Variants in TTC39C observed in about 807,000 individuals in gnomAD.
TTC39C encodes tetratricopeptide repeat protein 39C.
A neutral mutation model predicts 76.3 loss-of-function variants in TTC39C; 33 were observed. The observed-to-expected ratio is 0.43, with a 90% confidence interval of 0.33 to 0.58. TTC39C has a LOEUF of 0.58. TTC39C is among the 20% of genes least tolerant of loss of function. The pLI is 0.04. For synonymous variants in TTC39C, 254 were observed against 260.6 expected (o/e 0.97, Z 0.24); for missense variants, 595 against 701.4 (o/e 0.85, Z 1.71).
intron 6 of TTC39C, 106 bp downstream of exon 6, chr18:24,083,187 G>A (rs1014730403): frequency 1.4e-5 from 17 of 1,181,986 alleles, no homozygotes; most frequent in Middle Eastern, 3.0e-4. Flanking sequence ...CCAGGGCCCC[G>A]GAGCATTTTG....
intron 1 of TTC39C, among the ~76,000 whole-genome samples, chr18:24,023,954 A>ATC (rs1568408728): frequency 0.018 from 208 of 11,786 alleles, 26 homozygotes; most frequent in Non-Finnish European, 0.066. Flanking sequence ...ATGCATGTAT[A>ATC]TATATATATA....
intron 1 of TTC39C, among the ~76,000 whole-genome samples, chr18:24,030,777 C>T (rs2083659373): frequency 6.6e-6 from 1 of 151,194 alleles, no homozygotes; most frequent in Admixed American, 6.6e-5. Flanking sequence ...CACTCAGCCT[C>T]CTGAGTAGCT....
chr18:24,099,184 T>C (rs1166436873), intron 6 of TTC39C: 1 of 151,514 alleles, frequency 6.6e-6, no homozygotes. Flanking sequence ...AAGAATACTA[T>C]AGATTGGGTG....
At chr18:24,094,337 T>C (rs1409040853) in intron 6 of TTC39C, among the ~76,000 whole-genome samples, 1 of 152,242 alleles carries the variant, frequency 6.6e-6, no homozygotes, top group Non-Finnish European at 1.5e-5. Flanking sequence ...CTTGAACCTC[T>C]CAAAGACATC....
At position 24,133,940 on chromosome 18, in the gene TTC39C, CAG is replaced by C. The variant is rs995794081; in HGVS notation, c.*1368_*1369del. On this transcript the variant is annotated 3_prime_UTR_variant, in exon 14 of 14. Coordinates refer to ENST00000317571, the MANE Select transcript of TTC39C (RefSeq NM_001135993.2). ...TTTAATATTTCTTTTCAAAATAAAA[CAG>C]AAAAGCAAGTAGAATGTTGGCAAAT... The C allele has an allele frequency of 6.6e-6, 1 of 152,434 alleles. No individual in the cohort carries two copies. The highest frequency in any genetic ancestry group is 1.5e-5 in the Non-Finnish European group (1 of 68,082). 9.4% of individuals were successfully genotyped at this position (152,434 alleles called of 1,614,324 possible). A position where few individuals can be genotyped will look rare whatever the true frequency, so the allele number is the denominator to read the frequency against.
At chr18:24,063,267 G>T (rs1028614774) in intron 1 of TTC39C, among the ~76,000 whole-genome samples, 1 of 151,950 alleles carries the variant, frequency 6.6e-6, no homozygotes, top group Non-Finnish European at 1.5e-5. Context: ...TTACAAGGGG[G>T]GAATGGCTGA....
chr18:24,090,798 T>C (rs908977196), intron 6 of TTC39C, among the ~76,000 whole-genome samples: 22 of 52,868 alleles, frequency 4.2e-4, no homozygotes, highest in African/African-American at 7.7e-4. Context: ...ATTAATTTAC[T>C]TTTTTTTTTT....
In TTC39C at chr18:24,134,709, A is replaced by G. The variant is rs1451876749; in HGVS notation, c.*2135A>G. On this transcript the variant is annotated 3_prime_UTR_variant, in exon 14 of 14. Coordinates refer to ENST00000317571, the MANE Select transcript of TTC39C (RefSeq NM_001135993.2). ...CTGTCATCATCATGGAGCATTCTGA[A>G]TCATGACATTTTTGTTTGAGAGTTC... The G allele has an allele frequency of 6.6e-6, 1 of 152,194 alleles. No individual in the cohort carries two copies. The highest frequency in any genetic ancestry group is 1.5e-5 in the Non-Finnish European group (1 of 68,032). The allele number at this position is 152,194 out of a possible 1,614,324, so 9.4% of individuals were successfully genotyped here. A position where few individuals can be genotyped will look rare whatever the true frequency, so the allele number is the denominator to read the frequency against.
At chr18:24,101,317 A>AC (rs1002558642) in intron 6 of TTC39C, among the ~76,000 whole-genome samples, 2 of 151,506 alleles carry the variant, frequency 1.3e-5, no homozygotes, top group Non-Finnish European at 2.9e-5. Context: ...AAAAAAAAAA[A>AC]AAAAAACTGG....
Position 24,118,251 on chromosome 18 carries a change from C to G in TTC39C, c.1186+19C>G, listed in dbSNP as rs377410986. 245 of 1,585,332 alleles carry G rather than the reference C, an allele frequency of 1.5e-4. 3 individuals carry two copies. In the East Asian group the frequency reaches 2.7e-3, roughly 17 times the overall value. On this transcript the variant is annotated intron_variant, in intron 8 of 13. Transcript: ENST00000317571. Reference sequence around the variant, plus strand: ...ACTGCAGGTGAGTCGCCCATGGTCCCTCAGTGTGCCTCTCTCTGTCGTGAA... The same window carrying G: ...ACTGCAGGTGAGTCGCCCATGGTCCGTCAGTGTGCCTCTCTCTGTCGTGAA...
At chr18:24,125,722 G>A (rs1313352466) in intron 10 of TTC39C, 172 bp downstream of exon 10, 4 of 765,840 alleles carry the variant, frequency 5.2e-6, no homozygotes, top group Admixed American at 2.7e-5. Context: ...TGTCACTTAG[G>A]TGATGGGAGG....
intron 8 of TTC39C, 58 bp downstream of exon 8, chr18:24,118,290 C>A: frequency 7.2e-7 from 1 of 1,386,992 alleles, no homozygotes; most frequent in Non-Finnish European, 1.0e-6. Flanking sequence ...GCTCGCCTGA[C>A]GTGGGCAGAT....
intron 6 of TTC39C, among the ~76,000 whole-genome samples, chr18:24,102,369 A>G (rs2084687821): frequency 6.6e-6 from 1 of 152,234 alleles, no homozygotes; most frequent in Non-Finnish European, 1.5e-5. Flanking sequence ...TACTCTATCC[A>G]TTATGTGTAC....
intron 6 of TTC39C, among the ~76,000 whole-genome samples, chr18:24,093,243 G>T (rs1248735977): frequency 6.6e-6 from 1 of 152,164 alleles, no homozygotes; most frequent in African/African-American, 2.4e-5. Context: ...ACTTTGGGAG[G>T]CCGAGGCGGG....
intron 1 of TTC39C, among the ~76,000 whole-genome samples, chr18:24,044,946 A>G (rs2083845478): frequency 1.3e-5 from 2 of 152,038 alleles, no homozygotes; most frequent in South Asian, 4.2e-4. Flanking sequence ...GACCATTGGC[A>G]TCAGCACCAT....
intron 2 of TTC39C, among the ~76,000 whole-genome samples, chr18:24,064,449 C>A (rs961074657): frequency 2.0e-5 from 3 of 152,052 alleles, no homozygotes; most frequent in South Asian, 4.2e-4. Flanking sequence ...AATGGAAAGA[C>A]CTTCAATAAT....
At chr18:24,024,751 T>C (rs1351516066) in intron 1 of TTC39C, among the ~76,000 whole-genome samples, 1 of 152,220 alleles carries the variant, frequency 6.6e-6, no homozygotes, top group African/African-American at 2.4e-5. Flanking sequence ...TGTCCAGGAT[T>C]AGACGATGAA....
intron 6 of TTC39C, chr18:24,114,335 T>G: frequency 2.2e-6 from 1 of 453,078 alleles, no homozygotes; most frequent in South Asian, 2.3e-5. Context: ...AGCTGAGCCC[T>G]TACCACCTGA....
chr18:24,027,258 C>T (rs575056255), intron 1 of TTC39C, among the ~76,000 whole-genome samples: 1 of 151,654 alleles, frequency 6.6e-6, no homozygotes, highest in African/African-American at 2.4e-5. Flanking sequence ...CGCCACTGTG[C>T]GAGACTCCAT....
Sources: allele counts gnomAD v4.1 joint callset (sites outside exome capture counted in the v4.1 genomes callset), GRCh38; gene constraint gnomAD v4.1.1; transcripts MANE v1.5; gene names NCBI Gene and HGNC (gene_info 2026-07-23, HGNC 2026-07-21).